The following CCDC7 variants were observed in gnomAD, a reference collection of about 807,000 sequenced individuals.
The protein encoded by CCDC7 is coiled-coil domain containing 7.
Under a neutral mutation model 196.9 loss-of-function variants are expected in CCDC7, and 183 were observed. The ratio of observed to expected loss-of-function variants is 0.93; its 90% confidence interval spans 0.82 to 1.05. CCDC7 has a LOEUF of 1.05. Ranked by LOEUF, CCDC7 falls within the 50% of genes least tolerant of loss-of-function variation. CCDC7 has a pLI of 0.00. For missense variants in CCDC7, 1,540 were observed against 1,482.2 expected (o/e 1.04, Z -0.64); for synonymous variants, 525 against 484.6 (o/e 1.08, Z -1.10).
chr10:32,853,736 A>G (rs1051731790), intron 40 of CCDC7, among the ~76,000 whole-genome samples: 1 of 152,196 alleles, frequency 6.6e-6, no homozygotes, highest in Non-Finnish European at 1.5e-5. Context: ...ACTTCTTTTT[A>G]AATAAAATGA....
In CCDC7 at chr10:32,461,732, TATATATATATATATATATAC is replaced by T. The variant is rs1420583914; in HGVS notation, c.457-938_457-919del. 0.013 allele frequency among the ~76,000 whole-genome samples: 293 copies of T among 22,524 alleles called. 10 individuals are homozygous for T. The East Asian group carries it at 0.23, about 18-fold the overall frequency. The allele number at this position is 22,524 out of a possible 152,430, so 14.8% of individuals were successfully genotyped here. A position where few individuals can be genotyped will look rare whatever the true frequency, so the allele number is the denominator to read the frequency against. ...GTGTATATATATATATATATATATG[TATATATATATATATATATAC>T]ATATATATATATGCACATATGTACA... On this transcript the variant is annotated intron_variant, in intron 3 of 41. Coordinates refer to ENST00000639629, the Ensembl canonical transcript of CCDC7.
chr10:32,623,967 A>G, intron 18 of CCDC7: 1 of 289,156 alleles, frequency 3.5e-6, no homozygotes, highest in South Asian at 2.9e-5. Context: ...AACACCTCCC[A>G]CCGGGCCCCA....
At chr10:32,803,799 A>G (rs2085283693) in intron 29 of CCDC7, among the ~76,000 whole-genome samples, 1 of 151,888 alleles carries the variant, frequency 6.6e-6, no homozygotes, top group African/African-American at 2.4e-5. Flanking sequence ...TGTTTTGTAT[A>G]TTTTTTATGT....
At chr10:32,486,460 G>A (rs543625833) in intron 8 of CCDC7, among the ~76,000 whole-genome samples, 9 of 150,874 alleles carry the variant, frequency 6.0e-5, no homozygotes, top group South Asian at 2.1e-4. Context: ...CAATTTGCCA[G>A]TCTGTGTCTT....
At chr10:32,779,942 C>G (rs2080773030) in intron 29 of CCDC7, among the ~76,000 whole-genome samples, 1 of 152,072 alleles carries the variant, frequency 6.6e-6, no homozygotes, top group Non-Finnish European at 1.5e-5. Context: ...GTAGGCCCGC[C>G]CTGTTAAAAC....
intron 24 of CCDC7, among the ~76,000 whole-genome samples, chr10:32,709,130 A>T (rs1263485936): frequency 6.6e-6 from 1 of 152,154 alleles, no homozygotes; most frequent in Non-Finnish European, 1.5e-5. Context: ...ACCATGGAGT[A>T]CTATGCAGCC....
intron 41 of CCDC7, among the ~76,000 whole-genome samples, chr10:32,863,659 T>A (rs1407824828): frequency 6.6e-6 from 1 of 151,876 alleles, no homozygotes; most frequent in Non-Finnish European, 1.5e-5. Flanking sequence ...GAAAGAATAG[T>A]CTCTTCAATA....
At chr10:32,564,097 T>G (rs1428242181) in intron 13 of CCDC7, among the ~76,000 whole-genome samples, 3 of 152,056 alleles carry the variant, frequency 2.0e-5, no homozygotes, top group African/African-American at 7.2e-5. Context: ...AAAACCACAA[T>G]GAGATACCAT....
chr10:32,702,015 T>C (rs2078837157), intron 24 of CCDC7, among the ~76,000 whole-genome samples: 1 of 152,190 alleles, frequency 6.6e-6, no homozygotes, highest in Non-Finnish European at 1.5e-5. Context: ...GTGTCTCTAT[T>C]TCCTTCAGTT....
At chr10:32,624,984 GTTTT>G (rs35752534) in intron 18 of CCDC7, among the ~76,000 whole-genome samples, 13 of 51,656 alleles carry the variant, frequency 2.5e-4, no homozygotes, top group Non-Finnish European at 4.4e-4. Flanking sequence ...CTTTGCACAA[GTTTT>G]TTTTTTTTTT....
chr10:32,498,683 T>C (rs1347899631), intron 9 of CCDC7, among the ~76,000 whole-genome samples: 1 of 152,194 alleles, frequency 6.6e-6, no homozygotes, highest in Non-Finnish European at 1.5e-5. Flanking sequence ...TTGAAAATTC[T>C]TTTCTTTAAG....
rs566180977 is a variant in CCDC7, at chr10:32,704,321, G to C, written c.2459-7299G>C. Among the ~76,000 whole-genome samples, 4 of 152,210 alleles carry C rather than the reference G, an allele frequency of 2.6e-5. No individual in the cohort carries two copies. In the East Asian group the frequency reaches 7.7e-4, roughly 29 times the overall value. ...TGTCAGCAGCGGAAGCTGCAGAACA[G>C]TGGATATTGGTGATCAGCGAATGTT... On this transcript the variant is annotated intron_variant, in intron 24 of 41. Coordinates refer to ENST00000639629, the Ensembl canonical transcript of CCDC7.
chr10:32,607,621 A>G (rs552127150), intron 18 of CCDC7, among the ~76,000 whole-genome samples: 2 of 152,230 alleles, frequency 1.3e-5, no homozygotes, highest in Admixed American at 1.3e-4. Flanking sequence ...TATGTGATGT[A>G]TCATGTTTAT....
intron 41 of CCDC7, among the ~76,000 whole-genome samples, chr10:32,872,082 G>T (rs1378410543): frequency 6.6e-6 from 1 of 152,118 alleles, no homozygotes; most frequent in African/African-American, 2.4e-5. Context: ...TGTATATTCT[G>T]TTGATTTGGG....
At chr10:32,638,243 C>T (rs993634869) in intron 20 of CCDC7, among the ~76,000 whole-genome samples, 1 of 152,138 alleles carries the variant, frequency 6.6e-6, no homozygotes, top group Non-Finnish European at 1.5e-5. Context: ...GCCTGATTGC[C>T]CTGGCCAGAA....
At chr10:32,769,166 A>T (rs1452659251) in intron 28 of CCDC7, among the ~76,000 whole-genome samples, 1 of 151,902 alleles carries the variant, frequency 6.6e-6, no homozygotes, top group African/African-American at 2.4e-5. Context: ...GATTTTTATT[A>T]CTAGTTCAAT....
intron 8 of CCDC7, chr10:32,481,831 A>G (rs1406603693): frequency 6.6e-6 from 1 of 152,116 alleles, no homozygotes; most frequent in Non-Finnish European, 1.5e-5. Context: ...CTTTGAAAAT[A>G]TCTTCTTACT....
chr10:32,500,851 C>T lies in CCDC7; in HGVS notation c.872+8854C>T, dbSNP rs552638508. 5.1e-3 allele frequency among the ~76,000 whole-genome samples: 770 copies of T among 152,316 alleles called. 6 individuals are homozygous for T. The highest frequency in any genetic ancestry group is 6.4e-3 in the Non-Finnish European group (438 of 68,028). On this transcript the variant is annotated intron_variant, in intron 9 of 41. Coordinates refer to ENST00000639629, the Ensembl canonical transcript of CCDC7. Reference sequence around the variant, plus strand: ...CTCGCGGTCAGGAGCTGGAGACCAGCCCGGCCAACACGGCGAAACCCCGTC... The same window carrying T: ...CTCGCGGTCAGGAGCTGGAGACCAGTCCGGCCAACACGGCGAAACCCCGTC...
At chr10:32,492,317 G>T (rs2042276708) in intron 9 of CCDC7, among the ~76,000 whole-genome samples, 1 of 152,070 alleles carries the variant, frequency 6.6e-6, no homozygotes, top group Non-Finnish European at 1.5e-5. Flanking sequence ...ATTACCATAT[G>T]ATCCAGCAAT....
Sources: gnomAD v4.1 joint callset for allele counts (sites outside exome capture counted in the v4.1 genomes callset) on GRCh38, gnomAD v4.1.1 for gene constraint, MANE v1.5 for transcripts, NCBI Gene and HGNC (gene_info 2026-07-23, HGNC 2026-07-21) for gene names.